The following CWC27 variants were observed in gnomAD, a reference collection of about 807,000 sequenced individuals.
The protein encoded by CWC27 is spliceosome-associated protein CWC27 homolog.
CWC27 carries 47 observed loss-of-function variants against 63.6 expected under a neutral mutation model. That is an observed-to-expected ratio of 0.74 (90% CI 0.58 to 0.94). The LOEUF is 0.94. Among genes scored for constraint, CWC27 ranks in the 40% least tolerant of loss-of-function variants. CWC27 has a pLI of 0.00. For synonymous variants in CWC27, 175 were observed against 179.8 expected (o/e 0.97, Z 0.22); for missense variants, 495 against 554.3 (o/e 0.89, Z 1.07).
intron 11 of CWC27, among the ~76,000 whole-genome samples, chr5:64,910,381 C>T (rs142435692): frequency 0.014 from 2,141 of 152,332 alleles, 15 homozygotes; most frequent in Non-Finnish European, 0.019. Flanking sequence ...TGGGAGGTGT[C>T]TCTCAGTTAG....
At chr5:64,866,144 C>T (rs1746526912) in intron 10 of CWC27, among the ~76,000 whole-genome samples, 1 of 152,080 alleles carries the variant, frequency 6.6e-6, no homozygotes, top group Admixed American at 6.6e-5. Context: ...AGATGATAAG[C>T]CCATGACCTG....
chr5:64,885,739 T>TGTGTGTG (rs1427858737), intron 11 of CWC27, among the ~76,000 whole-genome samples, 193 bp downstream of exon 11: 2,314 of 24,088 alleles, frequency 0.096, 37 homozygotes, highest in South Asian at 0.15. Context: ...GTGTGTGTGT[T>TGTGTGTG]TTTAATACTT....
intron 13 of CWC27, among the ~76,000 whole-genome samples, chr5:64,979,705 A>G (rs1487137629): frequency 6.6e-6 from 1 of 152,222 alleles, no homozygotes; most frequent in Non-Finnish European, 1.5e-5. Context: ...AGTGAAAGTC[A>G]GCCATTGTGC....
rs745643620 is a variant in CWC27, at chr5:64,977,187, A to G, written c.1205A>G (p.Glu402Gly). ...FKSKLTQAIA[E>G]TPENDIPETE... Reference sequence around the variant, plus strand: ...TCTAAACTCACTCAAGCAATTGCTGAAACGCCTGAAAATGACATTCCTGAA... The same window carrying G: ...TCTAAACTCACTCAAGCAATTGCTGGAACGCCTGAAAATGACATTCCTGAA... Residue 402 changes from glutamate (E) to glycine (G), a missense_variant, in exon 13 of 14, where the codon GAA becomes GGA. By Grantham distance (98) the Glu-to-Gly change is moderately conservative (BLOSUM62 -2). Coordinates refer to ENST00000381070, the MANE Select transcript of CWC27 (RefSeq NM_005869.4). 6.2e-7 allele frequency: 1 copy of G among 1,612,948 alleles called. No homozygotes were observed. The highest frequency in any genetic ancestry group is 1.1e-5 in the South Asian group (1 of 90,786).
intron 11 of CWC27, among the ~76,000 whole-genome samples, chr5:64,926,426 C>G (rs1748108830): frequency 6.6e-6 from 1 of 151,244 alleles, no homozygotes; most frequent in African/African-American, 2.4e-5. Flanking sequence ...ACCTATTTTG[C>G]CCAGGCTTGC....
intron 11 of CWC27, among the ~76,000 whole-genome samples, chr5:64,910,147 TC>T (rs1747753732): frequency 6.6e-6 from 1 of 152,226 alleles, no homozygotes; most frequent in South Asian, 2.1e-4. Context: ...TTGATGCTAT[TC>T]CTTTCTGTTT....
intron 11 of CWC27, among the ~76,000 whole-genome samples, chr5:64,896,467 A>G (rs1747377220): frequency 6.6e-6 from 1 of 152,212 alleles, no homozygotes; most frequent in Non-Finnish European, 1.5e-5. Context: ...AAAATACATA[A>G]CAACATAGTA....
chr5:64,805,252 A>G (rs1352097674), intron 10 of CWC27, among the ~76,000 whole-genome samples: 1 of 151,656 alleles, frequency 6.6e-6, no homozygotes. Flanking sequence ...CACTAAAAGC[A>G]TAGCTTTTAA....
intron 11 of CWC27, among the ~76,000 whole-genome samples, chr5:64,971,163 G>A (rs1000562175): frequency 3.3e-5 from 5 of 152,064 alleles, no homozygotes; most frequent in Non-Finnish European, 7.4e-5. Context: ...CTATAGATTT[G>A]TTTTCTAATT....
chr5:64,936,529 A>G (rs112010414), intron 11 of CWC27, among the ~76,000 whole-genome samples: 3,494 of 152,250 alleles, frequency 0.023, 127 homozygotes, highest in African/African-American at 0.08. Context: ...TTTTCACATC[A>G]ATGTTCATCA....
chr5:64,942,055 T>C (rs1179013683), intron 11 of CWC27, among the ~76,000 whole-genome samples: 1 of 152,182 alleles, frequency 6.6e-6, no homozygotes, highest in Non-Finnish European at 1.5e-5. Flanking sequence ...AATTTGTTAA[T>C]AAATGTTACA....
intron 7 of CWC27, among the ~76,000 whole-genome samples, chr5:64,798,981 T>C (rs1429722922): frequency 2.0e-5 from 3 of 152,144 alleles, no homozygotes; most frequent in African/African-American, 7.2e-5. Flanking sequence ...CACCCTGCAG[T>C]AGGGAAATCT....
At chr5:64,917,397 G>A (rs1747910684) in intron 11 of CWC27, among the ~76,000 whole-genome samples, 1 of 152,140 alleles carries the variant, frequency 6.6e-6, no homozygotes, top group Non-Finnish European at 1.5e-5. Context: ...AACTGCTTCA[G>A]GAAAATTGAA....
chr5:64,942,560 C>T (rs1270893427), intron 11 of CWC27, among the ~76,000 whole-genome samples: 2 of 151,740 alleles, frequency 1.3e-5, no homozygotes, highest in Non-Finnish European at 2.9e-5. Context: ...CCTGGATGTA[C>T]CCCCTCTGCA....
intron 11 of CWC27, among the ~76,000 whole-genome samples, chr5:64,945,380 G>A (rs1033972137): frequency 6.6e-6 from 1 of 152,052 alleles, no homozygotes; most frequent in Non-Finnish European, 1.5e-5. Flanking sequence ...AAAATTGGAG[G>A]CTGAATAAGT....
intron 11 of CWC27, among the ~76,000 whole-genome samples, chr5:64,926,662 T>A (rs1007016064): frequency 6.6e-6 from 1 of 152,182 alleles, no homozygotes; most frequent in Non-Finnish European, 1.5e-5. Flanking sequence ...TGTTGGTTTA[T>A]GTGTTTTTAA....
chr5:64,963,279 A>T (rs901529142), intron 11 of CWC27, among the ~76,000 whole-genome samples: 4 of 152,112 alleles, frequency 2.6e-5, no homozygotes, highest in African/African-American at 9.7e-5. Context: ...AGATTTTTTT[A>T]AAGAAATAAA....
At chr5:65,005,449 A>C (rs1404061577) in intron 13 of CWC27, among the ~76,000 whole-genome samples, 1 of 151,970 alleles carries the variant, frequency 6.6e-6, no homozygotes, top group Non-Finnish European at 1.5e-5. Context: ...TGGCAGACAC[A>C]GCATGCTTAA....
chr5:64,862,559 A>G (rs549384402), intron 10 of CWC27, among the ~76,000 whole-genome samples: 4 of 152,294 alleles, frequency 2.6e-5, no homozygotes, highest in South Asian at 2.1e-4. Context: ...ACTAAAATTC[A>G]TATATGTAAT....
Sources: gnomAD v4.1 joint callset for allele counts (sites outside exome capture counted in the v4.1 genomes callset) on GRCh38, gnomAD v4.1.1 for gene constraint, MANE v1.5 for transcripts, NCBI Gene and HGNC (gene_info 2026-07-23, HGNC 2026-07-21) for gene names.